RAPGEF5: variants seen among roughly 807,000 people sequenced by gnomAD.
RAPGEF5 encodes Rap guanine nucleotide exchange factor 5.
Under a neutral mutation model 125.2 loss-of-function variants are expected in RAPGEF5, and 65 were observed. That is an observed-to-expected ratio of 0.52 (90% CI 0.43 to 0.64). The LOEUF (loss-of-function observed/expected upper bound fraction) is 0.64. RAPGEF5 is among the 30% of genes least tolerant of loss of function. The pLI is 0.00. For synonymous variants in RAPGEF5, 391 were observed against 385.9 expected (o/e 1.01, Z -0.16); for missense variants, 958 against 1,048.1 (o/e 0.91, Z 1.19).
chr7:22,195,107 C>G lies in RAPGEF5; in HGVS notation c.997-1074G>C, dbSNP rs1288058362. 2.6e-5 allele frequency among the ~76,000 whole-genome samples: 4 copies of G among 152,318 alleles called. No individual in the cohort carries two copies. In the South Asian group the frequency reaches 8.3e-4, roughly 32 times the overall value. On this transcript the variant is annotated intron_variant, in intron 9 of 25. Coordinates refer to ENST00000665637, the MANE Select transcript of RAPGEF5 (RefSeq NM_012294.5). ...TAAAAAAGGCACTATGTGCTTAGGG[C>G]TCCTAGCACGTTTCCCCTACTTACA...
chr7:22,219,461 T>C (rs1785724500), intron 9 of RAPGEF5, among the ~76,000 whole-genome samples: 1 of 150,208 alleles, frequency 6.7e-6, no homozygotes, highest in African/African-American at 2.5e-5. Flanking sequence ...ACACATTCAT[T>C]TGGCAACTAG....
At chr7:22,185,678 G>A (rs934260216) in intron 11 of RAPGEF5, among the ~76,000 whole-genome samples, 8 of 152,108 alleles carry the variant, frequency 5.3e-5, no homozygotes, top group African/African-American at 1.9e-4. Flanking sequence ...TTGGGGATTT[G>A]TACTGTCACT....
In RAPGEF5 at chr7:22,183,173, G is replaced by A. The variant is rs1452554104; in HGVS notation, c.1204+10194C>T. Among the ~76,000 whole-genome samples, 3 of 146,948 alleles carry A rather than the reference G, an allele frequency of 2.0e-5. No individual in the cohort carries two copies. The East Asian group carries it at 6.1e-4, about 30-fold the overall frequency. ...AGTCCCAGCTACTCGAGAGGCTGAG[G>A]TAGGAGAATCTCTTGAACCCAGGAG... is the stretch of plus-strand genomic sequence containing the variant. On this transcript the variant is annotated intron_variant, in intron 11 of 25. Coordinates refer to ENST00000665637, the MANE Select transcript of RAPGEF5 (RefSeq NM_012294.5).
chr7:22,283,147 T>A (rs1002139539), intron 6 of RAPGEF5, among the ~76,000 whole-genome samples: 1 of 152,052 alleles, frequency 6.6e-6, no homozygotes, highest in Non-Finnish European at 1.5e-5. Flanking sequence ...TAATCTGCAT[T>A]TAGAAAAATG....
At position 22,194,046 on chromosome 7, in the gene RAPGEF5, A is replaced by G; in HGVS notation, c.997-13T>C. ...CTTCATCATCTTGCTTTAATTGTGG[A>G]CAGGGATGATGGATGAGAGAAGGAA... On this transcript the variant is annotated splice_polypyrimidine_tract_variant and intron_variant, in intron 9 of 25. Coordinates refer to ENST00000665637, the MANE Select transcript of RAPGEF5 (RefSeq NM_012294.5). The G allele has an allele frequency of 9.4e-6, 15 of 1,602,582 alleles. No homozygotes were observed. Among genetic ancestry groups the G allele is most frequent in the Non-Finnish European group, 1.2e-5 (14 of 1,171,936 alleles).
intron 6 of RAPGEF5, among the ~76,000 whole-genome samples, chr7:22,277,025 T>A (rs1358606952): frequency 6.6e-6 from 1 of 152,246 alleles, no homozygotes; most frequent in African/African-American, 2.4e-5. Flanking sequence ...CTCCATTTAT[T>A]ATATTTCACC....
Position 22,266,976 on chromosome 7 carries a change from C to A in RAPGEF5, c.784G>T (p.Ala262Ser). 1 of 1,610,904 alleles carries A rather than the reference C, an allele frequency of 6.2e-7. No individual in the cohort carries two copies. Among genetic ancestry groups the A allele is most frequent in the South Asian group, 1.1e-5 (1 of 90,926 alleles). Residue 262 changes from alanine (A) to serine (S), a missense_variant, in exon 7 of 26, where the codon GCA becomes TCA. Coordinates refer to ENST00000665637, the MANE Select transcript of RAPGEF5 (RefSeq NM_012294.5). Reference protein sequence around the residue: ...RELAAVIALKARKSAIEQDEE... With the variant: ...RELAAVIALKSRKSAIEQDEE... ...AAAGATGACTTACCAGACTTCCTTG[C>A]TTTCAAAGCAATAACAGCTGCTAGC...
intron 8 of RAPGEF5, among the ~76,000 whole-genome samples, chr7:22,224,646 GGAGGCCCA>G (rs1562770465): frequency 6.6e-6 from 1 of 152,066 alleles, no homozygotes; most frequent in Non-Finnish European, 1.5e-5. Context: ...TGTGGGGAAT[GGAGGCCCA>G]GACAGTGGTG....
At chr7:22,297,482 T>C (rs538124924) in intron 5 of RAPGEF5, among the ~76,000 whole-genome samples, 19 of 152,278 alleles carry the variant, frequency 1.2e-4, no homozygotes, top group Middle Eastern at 3.4e-3. Flanking sequence ...GGAGACTGAA[T>C]ATACCAAGAA....
At chr7:22,194,507 AC>A in intron 9 of RAPGEF5, 1 of 831,792 alleles carries the variant, frequency 1.2e-6, no homozygotes, top group Non-Finnish European at 1.4e-6. Flanking sequence ...TGCAATCAAT[AC>A]ATATATTCAT....
chr7:22,330,287 G>A (rs1783892089), intron 1 of RAPGEF5, among the ~76,000 whole-genome samples: 1 of 152,228 alleles, frequency 6.6e-6, no homozygotes. Context: ...TGGGAAGGAT[G>A]TTGGCACTAA....
In RAPGEF5 at chr7:22,150,483, T is replaced by C; in HGVS notation, c.1808A>G (p.Asn603Ser). ...GAGGGATTTGGAGATGACTAAGTCA[T>C]TTGGCTGAAGTTCATGCTTTTCTTT... Reference protein sequence around the residue: ...FSGEKHELQPNDLVISKSLEA... With the variant: ...FSGEKHELQPSDLVISKSLEA... The change falls in exon 18 of 26, where the codon AAT becomes AGT. Residue 603 changes from asparagine (N) to serine (S), a missense_variant. By Grantham distance (46) the Asn-to-Ser change is conservative (BLOSUM62 1). Coordinates refer to ENST00000665637, the MANE Select transcript of RAPGEF5 (RefSeq NM_012294.5). 1 of 1,595,612 alleles carries C rather than the reference T, an allele frequency of 6.3e-7. No homozygotes were observed. Among genetic ancestry groups the C allele is most frequent in the Non-Finnish European group, 8.5e-7 (1 of 1,174,200 alleles).
chr7:22,237,928 G>T (rs1583506226), intron 7 of RAPGEF5, among the ~76,000 whole-genome samples: 2 of 152,196 alleles, frequency 1.3e-5, no homozygotes, highest in Non-Finnish European at 2.9e-5. Context: ...GCAGTTTGTG[G>T]GGAGGGGGTT....
chr7:22,156,340 G>C (rs901261547), intron 16 of RAPGEF5, among the ~76,000 whole-genome samples: 1 of 152,190 alleles, frequency 6.6e-6, no homozygotes, highest in Non-Finnish European at 1.5e-5. Flanking sequence ...CACACAGCCT[G>C]GCCTTGCAGG....
chr7:22,123,627 T>C (rs931285663), intron 25 of RAPGEF5, among the ~76,000 whole-genome samples: 22 of 152,210 alleles, frequency 1.4e-4, no homozygotes, highest in Non-Finnish European at 2.9e-4. Context: ...ATGACATGGG[T>C]GGCTTATAAT....
At chr7:22,128,168 T>G (rs1025992293) in intron 24 of RAPGEF5, among the ~76,000 whole-genome samples, 1 of 152,178 alleles carries the variant, frequency 6.6e-6, no homozygotes, top group East Asian at 1.9e-4. Flanking sequence ...ATCTTTAGGC[T>G]TTCTAAAGGG....
In RAPGEF5 at chr7:22,262,418, C is replaced by A. The variant is rs556127513; in HGVS notation, c.796+4546G>T. On this transcript the variant is annotated intron_variant, in intron 7 of 25. Transcript: ENST00000665637. ...ATTAAAAATAATAATAATAATGATA[C>A]CAAATGCTGGCAAGGACGCAGGGAA... Among the ~76,000 whole-genome samples, 124 of 152,176 alleles carry A rather than the reference C, an allele frequency of 8.1e-4. No homozygotes were observed. The Middle Eastern group carries it at 0.01, about 13-fold the overall frequency.
intron 6 of RAPGEF5, among the ~76,000 whole-genome samples, chr7:22,288,539 T>C (rs1164174618): frequency 2.8e-5 from 4 of 143,012 alleles, no homozygotes; most frequent in African/African-American, 1.0e-4. Flanking sequence ...TTTTTTTTTT[T>C]TGAGACGGAG....
intron 12 of RAPGEF5, 50 bp from the exon 13 acceptor site, chr7:22,162,591 A>G (rs1312109827): frequency 3.3e-6 from 5 of 1,506,914 alleles, no homozygotes; most frequent in Non-Finnish European, 4.6e-6. Context: ...TAAAATATGA[A>G]GACATCCATT....
Sources: allele counts gnomAD v4.1 joint callset (sites outside exome capture counted in the v4.1 genomes callset), GRCh38; gene constraint gnomAD v4.1.1; transcripts MANE v1.5; gene names NCBI Gene and HGNC (gene_info 2026-07-23, HGNC 2026-07-21).